The following FNDC3B variants were observed in gnomAD, a reference collection of about 807,000 sequenced individuals.
The protein encoded by FNDC3B is fibronectin type III domain containing 3B.
In FNDC3B, 12 loss-of-function variants were observed where a neutral mutation model predicts 151.5. The observed-to-expected ratio is 0.08, with a 90% confidence interval of 0.05 to 0.13. The LOEUF (loss-of-function observed/expected upper bound fraction) is 0.13, where lower values mean the gene tolerates loss of function less well. FNDC3B is among the 10% of genes least tolerant of loss of function. FNDC3B has a pLI of 1.00. For synonymous variants in FNDC3B, 528 were observed against 549.0 expected, an observed-to-expected ratio of 0.96 and a Z score of 0.54; for missense variants, 1,214 against 1,505.3, an observed-to-expected ratio of 0.81 and a Z score of 3.20.
intron 2 of FNDC3B, among the ~76,000 whole-genome samples, chr3:172,121,195 G>A (rs1250376075): frequency 6.6e-6 from 1 of 152,170 alleles, no homozygotes; most frequent in Admixed American, 6.5e-5. Flanking sequence ...TGCATCTTGT[G>A]CTCATGCATA....
intron 3 of FNDC3B, among the ~76,000 whole-genome samples, chr3:172,174,965 T>G (rs1367693492): frequency 3.8e-5 from 3 of 79,532 alleles, no homozygotes; most frequent in Non-Finnish European, 7.5e-5. Flanking sequence ...TTGCTGTCCA[T>G]CCGGTCCCAT....
intron 5 of FNDC3B, among the ~76,000 whole-genome samples, chr3:172,248,067 T>C (rs1464062231): frequency 1.3e-5 from 2 of 152,228 alleles, no homozygotes; most frequent in Non-Finnish European, 2.9e-5. Flanking sequence ...AAAGTGGCAG[T>C]GTGACATCGT....
At chr3:172,394,297 A>G (rs1736170999) in intron 25 of FNDC3B, among the ~76,000 whole-genome samples, 1 of 151,970 alleles carries the variant, frequency 6.6e-6, no homozygotes, top group South Asian at 2.1e-4. Flanking sequence ...ATGAAAACAG[A>G]AATAATTGAA....
intron 11 of FNDC3B, among the ~76,000 whole-genome samples, chr3:172,325,544 G>A (rs190564635): frequency 1.5e-3 from 230 of 152,276 alleles, no homozygotes; most frequent in African/African-American, 5.2e-3. Flanking sequence ...ACAGGAAAAT[G>A]TTTTGTTTAT....
chr3:172,212,893 T>C (rs1692189051), intron 3 of FNDC3B, among the ~76,000 whole-genome samples: 1 of 152,230 alleles, frequency 6.6e-6, no homozygotes, highest in African/African-American at 2.4e-5. Flanking sequence ...CAGTTACCGT[T>C]TTGAATATCA....
chr3:172,190,888 C>T (rs1042001531), intron 3 of FNDC3B, among the ~76,000 whole-genome samples: 2 of 152,146 alleles, frequency 1.3e-5, no homozygotes, highest in Non-Finnish European at 2.9e-5. Context: ...AGGCTGGTCT[C>T]GAATTCCTGA....
chr3:172,342,934 G>A (rs894006821), intron 17 of FNDC3B, 77 bp from the exon 18 acceptor site: 32 of 839,248 alleles, frequency 3.8e-5, no homozygotes, highest in Non-Finnish European at 6.0e-5. Flanking sequence ...GTTATGGGGT[G>A]GAATTTGCCT....
chr3:172,166,233 T>C (rs564665913), intron 3 of FNDC3B, among the ~76,000 whole-genome samples: 66 of 152,348 alleles, frequency 4.3e-4, no homozygotes, highest in Middle Eastern at 6.8e-3. Flanking sequence ...CCTTTGACTT[T>C]TCCCAGTATA....
At chr3:172,219,261 C>T (rs528569501) in intron 3 of FNDC3B, among the ~76,000 whole-genome samples, 2 of 152,304 alleles carry the variant, frequency 1.3e-5, no homozygotes, top group East Asian at 3.9e-4. Context: ...TATCCCCATG[C>T]AGTTGCTTGT....
At chr3:172,276,429 G>C (rs919714697) in intron 6 of FNDC3B, among the ~76,000 whole-genome samples, 6 of 152,002 alleles carry the variant, frequency 3.9e-5, no homozygotes, top group African/African-American at 1.5e-4. Flanking sequence ...AAAGAATCTG[G>C]GTTCAAGATA....
At chr3:172,054,849 T>G (rs1410923932) in intron 1 of FNDC3B, among the ~76,000 whole-genome samples, 2 of 152,142 alleles carry the variant, frequency 1.3e-5, no homozygotes, top group East Asian at 3.8e-4. Flanking sequence ...CTGTGGTAGG[T>G]CCTCATGATG....
chr3:172,393,608 A>G (rs1012885191), intron 25 of FNDC3B, among the ~76,000 whole-genome samples: 2 of 152,248 alleles, frequency 1.3e-5, no homozygotes, highest in Non-Finnish European at 2.9e-5. Context: ...CACAAGCCTC[A>G]GCAAATTTTA....
At chr3:172,169,799 G>A (rs963027081) in intron 3 of FNDC3B, among the ~76,000 whole-genome samples, 1 of 152,164 alleles carries the variant, frequency 6.6e-6, no homozygotes, top group African/African-American at 2.4e-5. Context: ...TCCAAAAGCT[G>A]ACTGTTCCTA....
intron 25 of FNDC3B, among the ~76,000 whole-genome samples, chr3:172,390,317 C>T (rs1381784520): frequency 1.3e-5 from 2 of 152,188 alleles, no homozygotes; most frequent in African/African-American, 2.4e-5. Flanking sequence ...ATTAGACTTT[C>T]GTTAAGAAAG....
chr3:172,379,737 G>C (rs1735341893), intron 24 of FNDC3B, among the ~76,000 whole-genome samples: 1 of 152,172 alleles, frequency 6.6e-6, no homozygotes, highest in Admixed American at 6.5e-5. Flanking sequence ...CCAAGGAAGG[G>C]TGGCCACATT....
intron 24 of FNDC3B, among the ~76,000 whole-genome samples, chr3:172,379,049 CTCTGCCTGGACCCT>C (rs1313182273): frequency 6.6e-6 from 1 of 152,214 alleles, no homozygotes; most frequent in Non-Finnish European, 1.5e-5. Flanking sequence ...ACAAAAGACA[CTCTGCCTGGACCCT>C]TCTTCCACCG....
At chr3:172,382,859 T>G (rs1237924166) in intron 25 of FNDC3B, among the ~76,000 whole-genome samples, 1 of 152,232 alleles carries the variant, frequency 6.6e-6, no homozygotes, top group African/African-American at 2.4e-5. Context: ...TATGCTGTTT[T>G]GGTTACTGTA....
chr3:172,256,920 T>G (rs1025914638), intron 6 of FNDC3B, among the ~76,000 whole-genome samples: 2 of 151,910 alleles, frequency 1.3e-5, no homozygotes. Flanking sequence ...GAGTGTAAAG[T>G]CACAATTTCC....
At chr3:172,339,852 G>A (rs932255809) in intron 16 of FNDC3B, among the ~76,000 whole-genome samples, 6 of 152,126 alleles carry the variant, frequency 3.9e-5, no homozygotes, top group African/African-American at 1.4e-4. Context: ...TTTTTGACCT[G>A]TAATATCAGG....
Sources: allele counts gnomAD v4.1 joint callset (sites outside exome capture counted in the v4.1 genomes callset), GRCh38; gene constraint gnomAD v4.1.1; transcripts MANE v1.5; gene names NCBI Gene and HGNC (gene_info 2026-07-23, HGNC 2026-07-21).